Variants in EYS observed in about 807,000 individuals in gnomAD.
The protein encoded by EYS is EGF-like photoreceptor maintenance factor.
Under a neutral mutation model 282.1 loss-of-function variants are expected in EYS, and 250 were observed. The ratio of observed to expected loss-of-function variants is 0.89; its 90% CI spans 0.80 to 0.98. The LOEUF (loss-of-function observed/expected upper bound fraction) is 0.98. EYS is among the 50% of genes least tolerant of loss of function. The pLI is 0.00. For missense variants in EYS, 4,016 were observed against 3,709.0 expected (o/e 1.08, Z -2.15); for synonymous variants, 1,355 against 1,282.9 (o/e 1.06, Z -1.20).
intron 36 of EYS, among the ~76,000 whole-genome samples, chr6:63,816,250 T>C (rs1254753559): frequency 6.6e-6 from 1 of 152,194 alleles, no homozygotes; most frequent in South Asian, 2.1e-4. Context: ...CAAGATTTTG[T>C]GTACTAATAG....
At chr6:64,914,711 A>G (rs553437987) in intron 15 of EYS, among the ~76,000 whole-genome samples, 1 of 152,254 alleles carries the variant, frequency 6.6e-6, no homozygotes, top group South Asian at 2.1e-4. Context: ...AATAATTGGC[A>G]AAATGGTATT....
intron 26 of EYS, among the ~76,000 whole-genome samples, chr6:64,577,717 C>T (rs1765927653): frequency 6.6e-6 from 1 of 152,048 alleles, no homozygotes; most frequent in Non-Finnish European, 1.5e-5. Context: ...ATGCAGAAAT[C>T]AGAGGTTCTT....
chr6:65,342,071 GA>G (rs1361124388), intron 10 of EYS, among the ~76,000 whole-genome samples: 1 of 151,096 alleles, frequency 6.6e-6, no homozygotes, highest in African/African-American at 2.4e-5. Flanking sequence ...GGGCTCCACA[GA>G]GCTTTGGCTT....
chr6:64,265,574 C>A (rs1438651229), intron 30 of EYS, among the ~76,000 whole-genome samples: 1 of 152,126 alleles, frequency 6.6e-6, no homozygotes, highest in Non-Finnish European at 1.5e-5. Context: ...CAGTTTTGAA[C>A]AGGTAGTGAT....
intron 1 of EYS, among the ~76,000 whole-genome samples, chr6:65,692,337 G>A (rs935998748): frequency 1.3e-5 from 2 of 149,966 alleles, no homozygotes; most frequent in African/African-American, 2.4e-5. Flanking sequence ...TACACTGAAG[G>A]AGTGAACTTC....
intron 30 of EYS, among the ~76,000 whole-genome samples, chr6:64,256,067 T>C (rs1013763248): frequency 3.9e-5 from 6 of 152,040 alleles, no homozygotes; most frequent in Non-Finnish European, 5.9e-5. Flanking sequence ...TTACTATAAA[T>C]GACATTGTCT....
chr6:64,381,398 A>G (rs1191404381), intron 29 of EYS, among the ~76,000 whole-genome samples: 1 of 152,154 alleles, frequency 6.6e-6, no homozygotes, highest in Non-Finnish European at 1.5e-5. Context: ...ACAAAAATAT[A>G]TCAGAGATTA....
chr6:64,925,260 G>C (rs114851006), intron 15 of EYS, among the ~76,000 whole-genome samples: 2,262 of 152,240 alleles, frequency 0.015, 58 homozygotes, highest in African/African-American at 0.053. Context: ...CAAGAATAGT[G>C]CGGGAAAGAC....
intron 5 of EYS, among the ~76,000 whole-genome samples, chr6:65,482,435 G>A (rs970993908): frequency 1.3e-5 from 2 of 152,158 alleles, no homozygotes; most frequent in African/African-American, 2.4e-5. Flanking sequence ...TAGAGATAGG[G>A]TTAAATTGAC....
chr6:64,606,107 G>A lies in EYS; in HGVS notation c.3684+11311C>T, dbSNP rs1461251948. 2.6e-5 allele frequency among the ~76,000 whole-genome samples: 4 copies of A among 151,540 alleles called. 1 individual carries two copies. Among genetic ancestry groups the A allele is most frequent in the South Asian group, 4.2e-4 (2 of 4,808 alleles). ...TTTGCATGTTGTATCTCTTCTCTAC[G>A]AATCTGAGTTTCTTAGGATAAAAAA... On this transcript the variant is annotated intron_variant, in intron 24 of 42. Coordinates refer to ENST00000503581, the MANE Select transcript of EYS (RefSeq NM_001142800.2).
At chr6:65,057,202 A>T (rs9453167) in intron 13 of EYS, among the ~76,000 whole-genome samples, 56,257 of 151,792 alleles carry the variant, frequency 0.37, 10,787 homozygotes, top group Middle Eastern at 0.4. Context: ...AGTTGAAGAA[A>T]TACCATCAAA....
At chr6:64,204,688 A>G (rs1007315489) in intron 31 of EYS, among the ~76,000 whole-genome samples, 6 of 152,186 alleles carry the variant, frequency 3.9e-5, no homozygotes, top group Non-Finnish European at 5.9e-5. Context: ...TGCTTCTGGA[A>G]TTTCTGGGGA....
chr6:64,442,645 C>T (rs1774986395), intron 26 of EYS, among the ~76,000 whole-genome samples: 1 of 152,150 alleles, frequency 6.6e-6, no homozygotes, highest in Non-Finnish European at 1.5e-5. Context: ...ATTTGATGTC[C>T]TATGTTCCAG....
intron 12 of EYS, among the ~76,000 whole-genome samples, chr6:65,156,216 T>G (rs1334409907): frequency 6.6e-6 from 1 of 151,170 alleles, no homozygotes; most frequent in Non-Finnish European, 1.5e-5. Context: ...GAGACTCCCT[T>G]GGAATTATAG....
At chr6:63,935,237 C>A (rs1765021682) in intron 35 of EYS, among the ~76,000 whole-genome samples, 1 of 152,200 alleles carries the variant, frequency 6.6e-6, no homozygotes, top group Admixed American at 6.5e-5. Context: ...ATTTCCTGAG[C>A]TGAGAATATA....
intron 35 of EYS, among the ~76,000 whole-genome samples, chr6:63,944,343 T>C (rs943273650): frequency 1.3e-5 from 2 of 152,258 alleles, no homozygotes; most frequent in African/African-American, 4.8e-5. Context: ...TGCCTTAATG[T>C]ATCTCAAACA....
At chr6:65,459,968 T>TTTTATA (rs1477968765) in intron 5 of EYS, among the ~76,000 whole-genome samples, 2 of 80,662 alleles carry the variant, frequency 2.5e-5, no homozygotes, top group African/African-American at 3.9e-5. Flanking sequence ...TTTGTGTATT[T>TTTTATA]TATATATATA....
At chr6:65,338,338 A>AATTCAG (rs1315195028) in intron 10 of EYS, among the ~76,000 whole-genome samples, 6 of 151,214 alleles carry the variant, frequency 4.0e-5, no homozygotes, top group Non-Finnish European at 7.4e-5. Context: ...CAGTAGACAT[A>AATTCAG]TAGAAACTTG....
At chr6:65,669,805 C>T (rs995447261) in intron 1 of EYS, among the ~76,000 whole-genome samples, 2 of 151,140 alleles carry the variant, frequency 1.3e-5, no homozygotes, top group Non-Finnish European at 2.9e-5. Flanking sequence ...TGGACATATG[C>T]GAGTTAACTA....
Sources: gnomAD v4.1 joint callset for allele counts (sites outside exome capture counted in the v4.1 genomes callset) on GRCh38, gnomAD v4.1.1 for gene constraint, MANE v1.5 for transcripts, NCBI Gene and HGNC (gene_info 2026-07-23, HGNC 2026-07-21) for gene names.